The following BANF2 variants were observed in gnomAD, a reference collection of about 807,000 sequenced individuals.
The protein encoded by BANF2 is barrier-to-autointegration factor-like protein.
In BANF2, 4 loss-of-function variants were observed where a neutral mutation model predicts 8.0. That is an observed-to-expected ratio of 0.50 (90% CI 0.25 to 1.14). The LOEUF (loss-of-function observed/expected upper bound fraction) is 1.14. BANF2 is among the 50% of genes most tolerant of loss of function. The pLI is 0.16. For missense variants in BANF2, 96 were observed against 107.5 expected (o/e 0.89, Z 0.47); for synonymous variants, 50 against 40.6 (o/e 1.23, Z -0.88).
chr20:17,702,852 A>G (rs2037429303), intron 1 of BANF2, among the ~76,000 whole-genome samples: 1 of 152,202 alleles, frequency 6.6e-6, no homozygotes, highest in African/African-American at 2.4e-5. Context: ...GATAGCCACT[A>G]GGCACACAGG....
intron 1 of BANF2, among the ~76,000 whole-genome samples, chr20:17,722,382 A>G (rs533676570): frequency 7.9e-5 from 12 of 152,350 alleles, no homozygotes; most frequent in African/African-American, 2.9e-4. Flanking sequence ...TGGATAGTGA[A>G]TGGAATTTTC....
At chr20:17,721,520 T>G (rs976222619) in intron 1 of BANF2, among the ~76,000 whole-genome samples, 17 of 151,896 alleles carry the variant, frequency 1.1e-4, no homozygotes, top group African/African-American at 4.1e-4. Flanking sequence ...GCCTCCCGAG[T>G]AGTTGGGATT....
chr20:17,733,211 G>A (rs1349408501), intron 3 of BANF2, among the ~76,000 whole-genome samples: 2 of 152,216 alleles, frequency 1.3e-5, no homozygotes, highest in Non-Finnish European at 2.9e-5. Context: ...TCTAAAACGG[G>A]CAGGGGATGC....
intron 3 of BANF2, among the ~76,000 whole-genome samples, chr20:17,727,071 G>A (rs2037818862): frequency 6.6e-6 from 1 of 151,972 alleles, no homozygotes. Context: ...GCTTAACTGT[G>A]TTTTAAATGA....
upstream of BANF2, among the ~76,000 whole-genome samples, chr20:17,695,118 G>A (rs1461838929): frequency 6.6e-6 from 1 of 152,040 alleles, no homozygotes; most frequent in Non-Finnish European, 1.5e-5. Flanking sequence ...CTTGCCTTTA[G>A]CAGCTTGAAA....
At chr20:17,721,888 G>C (rs1306270885) in intron 1 of BANF2, among the ~76,000 whole-genome samples, 1 of 152,118 alleles carries the variant, frequency 6.6e-6, no homozygotes, top group East Asian at 1.9e-4. Context: ...TCTTAACCTC[G>C]ATGGTATTGA....
At chr20:17,704,703 G>T (rs733627) in intron 1 of BANF2, among the ~76,000 whole-genome samples, 19,935 of 152,156 alleles carry the variant, frequency 0.13, 1,307 homozygotes, top group Middle Eastern at 0.23. Context: ...GGTGGAATGG[G>T]TCTCTTTCAG....
upstream of BANF2, among the ~76,000 whole-genome samples, chr20:17,699,133 A>G (rs542747115): frequency 2.0e-5 from 3 of 152,330 alleles, no homozygotes; most frequent in South Asian, 6.2e-4. Context: ...CTACAGTTTA[A>G]GACCCACTGT....
chr20:17,725,241 GTGAA>G, intron 3 of BANF2, 90 bp downstream of exon 3: 4 of 1,457,678 alleles, frequency 2.7e-6, no homozygotes, highest in Non-Finnish European at 3.8e-6. Flanking sequence ...ACGTGTCCCT[GTGAA>G]GGGCCATCAG....
chr20:17,724,049 G>A lies in BANF2; in HGVS notation c.-3-974G>A, dbSNP rs6044968. ...GATGGCAACCCTCATTTAACAAAATGGCCGGTTTTGCTGGGATGCAGACCT... is the reference window on the plus strand; with the variant it reads ...GATGGCAACCCTCATTTAACAAAATAGCCGGTTTTGCTGGGATGCAGACCT... On this transcript the variant is annotated intron_variant, in intron 2 of 3. Coordinates refer to ENST00000246090, the MANE Select transcript of BANF2 (RefSeq NM_178477.5). Among the ~76,000 whole-genome samples the A allele has an allele frequency of 6.8e-3, 1,036 of 152,230 alleles. 8 individuals are homozygous for A. Among genetic ancestry groups the A allele is most frequent in the African/African-American group, 0.023 (963 of 41,532 alleles).
At chr20:17,697,270 G>C (rs1382333193), upstream of BANF2, among the ~76,000 whole-genome samples, 3 of 152,224 alleles carry the variant, frequency 2.0e-5, no homozygotes, top group East Asian at 5.8e-4. Flanking sequence ...CAGGGAGATG[G>C]AAAGCAGGTG....
chr20:17,700,505 C>T (rs2037390999), intron 1 of BANF2, among the ~76,000 whole-genome samples: 1 of 152,192 alleles, frequency 6.6e-6, no homozygotes, highest in Non-Finnish European at 1.5e-5. Context: ...AAAATGTGAA[C>T]GACGGTCCTT....
At chr20:17,693,937 T>G (rs1033972187) in intron 1 of BANF2, among the ~76,000 whole-genome samples, 1 of 152,230 alleles carries the variant, frequency 6.6e-6, no homozygotes, top group African/African-American at 2.4e-5. Flanking sequence ...TGGCAAGCGT[T>G]CAGATCTATG....
chr20:17,698,737 T>C (rs185104821), upstream of BANF2, among the ~76,000 whole-genome samples: 88 of 152,348 alleles, frequency 5.8e-4, no homozygotes, highest in African/African-American at 2.1e-3. Flanking sequence ...CAAGAGGCTA[T>C]GGGCAGGGCA....
intron 1 of BANF2, among the ~76,000 whole-genome samples, chr20:17,710,810 G>A (rs139288402): frequency 5.3e-5 from 8 of 152,280 alleles, no homozygotes; most frequent in Admixed American, 2.0e-4. Context: ...GCCTAACGGC[G>A]GCTGAGCCAG....
chr20:17,733,357 G>T (rs2037929453), intron 3 of BANF2, among the ~76,000 whole-genome samples: 1 of 152,202 alleles, frequency 6.6e-6, no homozygotes, highest in African/African-American at 2.4e-5. Flanking sequence ...AAACGTGTCA[G>T]GTGTCTAGCA....
intron 1 of BANF2, among the ~76,000 whole-genome samples, chr20:17,716,927 T>C (rs2037663584): frequency 6.6e-6 from 1 of 151,320 alleles, no homozygotes; most frequent in African/African-American, 2.4e-5. Flanking sequence ...TTGCCCAGGC[T>C]GGTCTTGAAC....
At chr20:17,713,260 TGA>T (rs144968177) in intron 1 of BANF2, among the ~76,000 whole-genome samples, 49 of 144,556 alleles carry the variant, frequency 3.4e-4, no homozygotes, top group Admixed American at 6.9e-4. Context: ...AAAGAAAGAA[TGA>T]GAGAGAGAGA....
At chr20:17,730,513 G>C (rs2037878907) in intron 3 of BANF2, among the ~76,000 whole-genome samples, 1 of 151,942 alleles carries the variant, frequency 6.6e-6, no homozygotes, top group Admixed American at 6.6e-5. Flanking sequence ...GCAAGGTTCT[G>C]CTCCCTCTTG....
Sources: allele counts gnomAD v4.1 joint callset (sites outside exome capture counted in the v4.1 genomes callset), GRCh38; gene constraint gnomAD v4.1.1; transcripts MANE v1.5; gene names NCBI Gene and HGNC (gene_info 2026-07-23, HGNC 2026-07-21).